Variants in UTRN observed in about 807,000 individuals in gnomAD.
UTRN encodes utrophin, also known as dystrophin-related protein 1.
Under a neutral mutation model 463.9 loss-of-function variants are expected in UTRN, and 283 were observed. That is an observed-to-expected ratio of 0.61 (90% CI 0.55 to 0.67). UTRN has a LOEUF of 0.67. Ranked by LOEUF, UTRN falls within the 30% of genes least tolerant of loss-of-function variation. UTRN has a pLI of 0.00. For synonymous variants in UTRN, 1,442 were observed against 1,431.5 expected (o/e 1.01, Z -0.17); for missense variants, 3,922 against 4,084.3 (o/e 0.96, Z 1.08).
At chr6:144,406,586 C>T (rs908650799) in intron 3 of UTRN, among the ~76,000 whole-genome samples, 23 of 152,162 alleles carry the variant, frequency 1.5e-4, no homozygotes, top group Admixed American at 6.5e-4. Flanking sequence ...AGGCTGGTTT[C>T]AAACTCCTGA....
intron 51 of UTRN, among the ~76,000 whole-genome samples, chr6:144,634,317 G>T (rs1164182801): frequency 1.3e-5 from 2 of 152,190 alleles, no homozygotes; most frequent in Non-Finnish European, 2.9e-5. Context: ...GGGCCCTTCA[G>T]ATGAGCTGCC....
chr6:144,508,556 C>T (rs534853246), intron 34 of UTRN, among the ~76,000 whole-genome samples: 2 of 152,184 alleles, frequency 1.3e-5, no homozygotes, highest in Admixed American at 1.3e-4. Flanking sequence ...CCGTGGGCTG[C>T]ACCCACTGTC....
intron 51 of UTRN, among the ~76,000 whole-genome samples, chr6:144,590,979 G>A (rs536889920): frequency 2.6e-5 from 4 of 151,972 alleles, no homozygotes; most frequent in African/African-American, 7.3e-5. Context: ...TGCTATGTGG[G>A]TTGGCTACTG....
intron 51 of UTRN, among the ~76,000 whole-genome samples, chr6:144,659,675 T>G (rs1585838872): frequency 1.3e-5 from 2 of 148,220 alleles, no homozygotes; most frequent in East Asian, 3.9e-4. Context: ...CTTCGAACTC[T>G]ACATAAGTCA....
chr6:144,526,178 C>G (rs1443119848), intron 41 of UTRN, among the ~76,000 whole-genome samples: 1 of 152,116 alleles, frequency 6.6e-6, no homozygotes, highest in Non-Finnish European at 1.5e-5. Context: ...ATAGAATGTT[C>G]CGTAAGTATC....
intron 2 of UTRN, among the ~76,000 whole-genome samples, chr6:144,347,523 G>C (rs1777686829): frequency 6.6e-6 from 1 of 152,246 alleles, no homozygotes; most frequent in Admixed American, 6.5e-5. Flanking sequence ...GTTGGAAGAA[G>C]ATTGGACAGA....
At chr6:144,806,573 A>G (rs1037916039) in intron 65 of UTRN, among the ~76,000 whole-genome samples, 1 of 102,094 alleles carries the variant, frequency 9.8e-6, no homozygotes, top group Non-Finnish European at 2.2e-5. Flanking sequence ...TTGTAGCATT[A>G]ATGTCTTTCC....
At chr6:144,704,791 G>A (rs145394178) in intron 53 of UTRN, among the ~76,000 whole-genome samples, 15 of 152,056 alleles carry the variant, frequency 9.9e-5, no homozygotes, top group African/African-American at 3.4e-4. Context: ...GTGAAACCCC[G>A]CCCCTACTAA....
intron 33 of UTRN, among the ~76,000 whole-genome samples, chr6:144,495,450 C>A (rs1003243445): frequency 6.6e-6 from 1 of 152,228 alleles, no homozygotes; most frequent in Non-Finnish European, 1.5e-5. Flanking sequence ...GAGTGCGGGG[C>A]CCGCCAAGCC....
chr6:144,813,646 C>T (rs1223170884), intron 65 of UTRN, among the ~76,000 whole-genome samples: 3 of 152,180 alleles, frequency 2.0e-5, no homozygotes, highest in African/African-American at 7.2e-5. Flanking sequence ...CAAAATAAAT[C>T]CAGGTGGCGA....
chr6:144,422,575 G>C (rs926489315), intron 4 of UTRN, among the ~76,000 whole-genome samples: 3 of 151,022 alleles, frequency 2.0e-5, no homozygotes, highest in Non-Finnish European at 4.4e-5. Flanking sequence ...CCGAGATTGC[G>C]CCACTGCACT....
intron 49 of UTRN, among the ~76,000 whole-genome samples, chr6:144,555,234 C>T (rs891728774): frequency 5.3e-5 from 8 of 152,164 alleles, no homozygotes; most frequent in Non-Finnish European, 2.9e-5. Context: ...TCTCACATTG[C>T]TATAAATAAC....
chr6:144,808,237 TA>T (rs1778316862), intron 65 of UTRN, among the ~76,000 whole-genome samples: 1 of 152,112 alleles, frequency 6.6e-6, no homozygotes, highest in Admixed American at 6.6e-5. Context: ...AAGACTGTAA[TA>T]TTTTTTAGAA....
Position 144,461,234 on chromosome 6 carries a change from A to G in UTRN, c.2745A>G (p.Thr915=), listed in dbSNP as rs751968312. 7.5e-6 allele frequency: 12 copies of G among 1,608,478 alleles called. No homozygotes were observed. Among genetic ancestry groups the G allele is most frequent in the African/African-American group, 1.3e-5 (1 of 74,800 alleles). The part of the protein sequence containing the change: ...KGQPGHAYLE[T]LKTLKDVLND... ...AACCTGGACATGCATATCTGGAAAC[A>G]TTGAAAACACTGAAAGATGTGCTAA... Residue 915 remains threonine, a synonymous_variant, in exon 22 of 75, where the codon ACA becomes ACG. Transcript: ENST00000367545.
chr6:144,473,850 T>A lies in UTRN; in HGVS notation c.3180+17T>A. ...CAGTGCTCTGTGAGTTCTGCTGATC[T>A]GGGGAACTTGTCATAAATAACATTT... On this transcript the variant is annotated intron_variant, in intron 24 of 74. Transcript: ENST00000367545. 6.4e-7 allele frequency: 1 copy of A among 1,557,966 alleles called. No homozygotes were observed. Among genetic ancestry groups the A allele is most frequent in the Middle Eastern group, 1.7e-4 (1 of 5,894 alleles).
At chr6:144,521,951 A>ATG (rs201203073) in intron 39 of UTRN, 29 bp from the exon 40 acceptor site, 13 of 1,207,474 alleles carry the variant, frequency 1.1e-5, no homozygotes, top group Middle Eastern at 6.2e-4. Flanking sequence ...ATATATATAT[A>ATG]TATATTTTTT....
intron 51 of UTRN, among the ~76,000 whole-genome samples, chr6:144,650,508 C>G (rs1332549555): frequency 3.3e-5 from 5 of 152,132 alleles, no homozygotes; most frequent in Admixed American, 6.5e-5. Flanking sequence ...ATGGTAGAGA[C>G]TGTTGTAATT....
chr6:144,532,019 C>T (rs1797106180), intron 42 of UTRN, among the ~76,000 whole-genome samples: 1 of 152,026 alleles, frequency 6.6e-6, no homozygotes, highest in Admixed American at 6.6e-5. Context: ...CACCTGCAGT[C>T]CCAGCTACTC....
intron 46 of UTRN, among the ~76,000 whole-genome samples, chr6:144,543,698 C>CT (rs528995923): frequency 2.4e-4 from 36 of 151,974 alleles, no homozygotes; most frequent in Non-Finnish European, 4.6e-4. Flanking sequence ...TCTTCTACCT[C>CT]TTTTTTTTGG....
Sources: gnomAD v4.1 joint callset for allele counts (sites outside exome capture counted in the v4.1 genomes callset) on GRCh38, gnomAD v4.1.1 for gene constraint, MANE v1.5 for transcripts, NCBI Gene and HGNC (gene_info 2026-07-23, HGNC 2026-07-21) for gene names.